ADGRE1: variants seen among roughly 807,000 people sequenced by gnomAD.
ADGRE1 encodes adhesion G protein-coupled receptor E1, also known as EGF-like module receptor 1.
ADGRE1 carries 82 observed loss-of-function variants against 102.7 expected under a neutral mutation model. The ratio of observed to expected loss-of-function variants is 0.80; its 90% CI spans 0.67 to 0.96. The LOEUF is 0.96. Among genes scored for constraint, ADGRE1 ranks in the 40% least tolerant of loss-of-function variants. The pLI, the probability that ADGRE1 is intolerant of heterozygous loss-of-function variation, is 0.00. For missense variants in ADGRE1, 1,032 were observed against 1,085.3 expected, an observed-to-expected ratio of 0.95 and a Z score of 0.69; for synonymous variants, 398 against 399.6, an observed-to-expected ratio of 1.00 and a Z score of 0.05.
rs1974556117 is a variant in ADGRE1 at position 6,919,641 on chromosome 19, C to T, written c.1514C>T (p.Ser505Phe). 1 of 1,613,474 alleles carries T rather than the reference C, an allele frequency of 6.2e-7. No individual in the cohort carries two copies. The highest frequency in any genetic ancestry group is 8.5e-7 in the Non-Finnish European group (1 of 1,179,934). Reference protein sequence around the residue: ...FKDHQAPLTTSEIKLKMNSRV... With the variant: ...FKDHQAPLTTFEIKLKMNSRV... ...GACCACCAGGCTCCCTTGACCACCTCTGAGATCAAGCTGAAGATGAATTCT... is the reference window on the plus strand; with the variant it reads ...GACCACCAGGCTCCCTTGACCACCTTTGAGATCAAGCTGAAGATGAATTCT... Residue 505 changes from serine (S) to phenylalanine (F), a missense_variant, in exon 13 of 21, where the codon TCT (serine) becomes TTT (phenylalanine). Transcript: ENST00000312053.
In ADGRE1 at chr19:6,897,453, C is replaced by G. The variant is rs330880; in HGVS notation, c.420C>G (p.Ser140Arg). 532,995 of 1,598,028 alleles carry G rather than the reference C, an allele frequency of 0.33. 98,300 individuals carry two copies. The highest frequency in any genetic ancestry group is 0.76 in the African/African-American group (56,096 of 74,264). The change falls in exon 5 of 21, where the codon AGC becomes AGG. Residue 140 changes from serine to arginine, a missense_variant. Physicochemically the swap from Ser to Arg is moderately radical, Grantham distance 110 (BLOSUM62 -1). Transcript: ENST00000312053. ...ATATCAATGAGTGCCTCACCAGCAG[C>G]GTCTGCCCTGAGCATTCTGACTGTG... is the stretch of plus-strand genomic sequence containing the variant. ...CTDINECLTSSVCPEHSDCVN... is the reference protein window; with the variant it reads ...CTDINECLTSRVCPEHSDCVN...
intron 12 of ADGRE1, among the ~76,000 whole-genome samples, chr19:6,918,881 C>T (rs554307318): frequency 1.1e-4 from 16 of 152,186 alleles, no homozygotes; most frequent in South Asian, 4.1e-4. Context: ...CCTGCCACCA[C>T]GCCTGGCTAG....
At chr19:6,896,266 A>G in intron 2 of ADGRE1, 132 bp from the exon 3 acceptor site, 1 of 829,112 alleles carries the variant, frequency 1.2e-6, no homozygotes, top group Non-Finnish European at 1.9e-6. Flanking sequence ...AGGGTTTAGG[A>G]CTGTAACGTA....
chr19:6,935,582 G>A (rs1384389238), intron 18 of ADGRE1, among the ~76,000 whole-genome samples: 1 of 151,988 alleles, frequency 6.6e-6, no homozygotes, highest in Non-Finnish European at 1.5e-5. Flanking sequence ...TTGTATTTAA[G>A]TCATACCATA....
rs189385188 is a variant in ADGRE1, at chr19:6,890,087, T to A, written c.32-394T>A. On this transcript the variant is annotated intron_variant, in intron 1 of 20. Transcript: ENST00000312053. ...ACCACCACCCAGCTAATTTAAAAAA[T>A]TTTTTTTTTGTAGAGACAAAGTCTC... 5.7e-3 allele frequency among the ~76,000 whole-genome samples: 861 copies of A among 150,662 alleles called. 10 individuals carry two copies. Among genetic ancestry groups the A allele is most frequent in the African/African-American group, 0.014 (557 of 41,090 alleles).
chr19:6,905,693 C>G lies in ADGRE1; in HGVS notation c.950-740C>G, dbSNP rs143861865. On this transcript the variant is annotated intron_variant, in intron 8 of 20. Coordinates refer to ENST00000312053, the MANE Select transcript of ADGRE1 (RefSeq NM_001974.5). ...AGAATTTCAGAGTCCTTTCCCCTCC[C>G]CCCAAGAATAATGGGGAACCATGAA... Among the ~76,000 whole-genome samples, 275 of 152,068 alleles carry G rather than the reference C, an allele frequency of 1.8e-3. 3 individuals are homozygous for G. The highest frequency in any genetic ancestry group is 6.4e-3 in the African/African-American group (267 of 41,468).
At chr19:6,912,017 A>G (rs924561229) in intron 10 of ADGRE1, among the ~76,000 whole-genome samples, 5 of 152,058 alleles carry the variant, frequency 3.3e-5, no homozygotes, top group Non-Finnish European at 5.9e-5. Context: ...ACACACATAT[A>G]CACACTCCTG....
chr19:6,906,498 G>A lies in ADGRE1; in HGVS notation c.1015G>A (p.Gly339Arg), dbSNP rs894413845. 7 of 1,613,618 alleles carry A rather than the reference G, an allele frequency of 4.3e-6. No individual in the cohort carries two copies. The highest frequency in any genetic ancestry group is 5.9e-6 in the Non-Finnish European group (7 of 1,179,696). ...TAAGCAGATCCAGCAATGCCAAGAG[G>A]GAACCGCAGTGAAACCTGCATATGC... ...DNKQIQQCQE[G>R]TAVKPAYVSF... is the part of the protein sequence containing the mutation. Residue 339 changes from glycine to arginine, a missense_variant, in exon 9 of 21, where the codon GGA becomes AGA. Physicochemically the swap from Gly to Arg is moderately radical, Grantham distance 125. Transcript: ENST00000312053.
chr19:6,912,241 C>T (rs1301766721), intron 10 of ADGRE1, among the ~76,000 whole-genome samples: 1 of 152,056 alleles, frequency 6.6e-6, no homozygotes, highest in Non-Finnish European at 1.5e-5. Flanking sequence ...TAAGCACACA[C>T]ACACACATGC....
intron 1 of ADGRE1, among the ~76,000 whole-genome samples, chr19:6,889,683 A>G: frequency 8.1e-6 from 1 of 123,668 alleles, no homozygotes; most frequent in Admixed American, 8.4e-5. Flanking sequence ...GTGAGACTCC[A>G]TCTCAAAAAA....
intron 1 of ADGRE1, 35 bp downstream of exon 1, chr19:6,887,674 C>A: frequency 6.3e-7 from 1 of 1,599,364 alleles, no homozygotes; most frequent in South Asian, 1.1e-5. Flanking sequence ...CTAGGGGAGG[C>A]CTGGATTGGA....
In ADGRE1 at chr19:6,906,499, G is replaced by A. The variant is rs763751146; in HGVS notation, c.1016G>A (p.Gly339Glu). The A allele has an allele frequency of 3.2e-5, 52 of 1,613,554 alleles. No individual in the cohort carries two copies. Among genetic ancestry groups the A allele is most frequent in the Non-Finnish European group, 4.2e-5 (50 of 1,179,748 alleles). ...AAGCAGATCCAGCAATGCCAAGAGG[G>A]AACCGCAGTGAAACCTGCATATGCA... ...DNKQIQQCQE[G>E]TAVKPAYVSF... The change falls in exon 9 of 21, where the codon GGA becomes GAA. Residue 339 changes from glycine to glutamate, a missense_variant. By Grantham distance (98) the Gly-to-Glu change is moderately conservative. Transcript: ENST00000312053.
At chr19:6,899,376 AG>A (rs1170580742) in intron 5 of ADGRE1, among the ~76,000 whole-genome samples, 1 of 152,148 alleles carries the variant, frequency 6.6e-6, no homozygotes, top group Admixed American at 6.5e-5. Flanking sequence ...AATAGTGCTG[AG>A]GTGGAAAAAC....
intron 5 of ADGRE1, chr19:6,898,335 G>C: frequency 6.3e-7 from 1 of 1,598,178 alleles, no homozygotes; most frequent in Admixed American, 1.7e-5. Flanking sequence ...AAAGCCCCCA[G>C]CCCTGTGGTC....
chr19:6,926,223 C>A, intron 15 of ADGRE1, 143 bp from the exon 16 acceptor site: 1 of 873,002 alleles, frequency 1.1e-6, no homozygotes, highest in Non-Finnish European at 1.7e-6. Context: ...TCAAGAACCA[C>A]TGCACCTCTC....
At chr19:6,937,437 C>T (rs779018673) in intron 19 of ADGRE1, 26 bp downstream of exon 19, 8 of 1,594,764 alleles carry the variant, frequency 5.0e-6, no homozygotes, top group Non-Finnish European at 6.8e-6. Context: ...CCTCCCCATC[C>T]CCCTCCTCCC....
intron 18 of ADGRE1, 71 bp downstream of exon 18, chr19:6,935,149 A>G: frequency 8.0e-7 from 1 of 1,257,842 alleles, no homozygotes; most frequent in Non-Finnish European, 1.1e-6. Context: ...TTCTTTGAGC[A>G]CTTCTTGTGT....
Position 6,937,412 on chromosome 19 carries a change from G to T in ADGRE1, c.2550+1G>T. 1 of 1,612,614 alleles carries T rather than the reference G, an allele frequency of 6.2e-7. No homozygotes were observed. The highest frequency in any genetic ancestry group is 8.5e-7 in the Non-Finnish European group (1 of 1,179,620). On this transcript the variant is annotated splice_donor_variant, in intron 19 of 20. Transcript: ENST00000312053. LOFTEE classifies it high-confidence loss of function. Reference sequence around the variant, plus strand: ...CATCCACTGTCTGCTCAACGGCCAGGTGTGTAGCTGCTGCCCTCCCCATCC... The same window carrying T: ...CATCCACTGTCTGCTCAACGGCCAGTTGTGTAGCTGCTGCCCTCCCCATCC...
chr19:6,891,736 A>G (rs1315910185), intron 2 of ADGRE1, among the ~76,000 whole-genome samples: 1 of 152,178 alleles, frequency 6.6e-6, no homozygotes, highest in Non-Finnish European at 1.5e-5. Context: ...GGCATGAGCC[A>G]CTGCGCCTGG....
Sources: gnomAD v4.1 joint callset for allele counts (sites outside exome capture counted in the v4.1 genomes callset) on GRCh38, gnomAD v4.1.1 for gene constraint, MANE v1.5 for transcripts, NCBI Gene and HGNC (gene_info 2026-07-23, HGNC 2026-07-21) for gene names.